The following ADAM22 variants were observed in gnomAD, a reference collection of about 807,000 sequenced individuals.
The protein encoded by ADAM22 is ADAM metallopeptidase domain 22.
A neutral mutation model predicts 144.6 loss-of-function variants in ADAM22; 65 were observed. The ratio of observed to expected loss-of-function variants is 0.45; its 90% CI spans 0.37 to 0.55. The LOEUF is 0.55. Ranked by LOEUF, ADAM22 falls within the 20% of genes least tolerant of loss-of-function variation. ADAM22 has a pLI of 0.00. For synonymous variants in ADAM22, 391 were observed against 412.6 expected (o/e 0.95, Z 0.63); for missense variants, 974 against 1,184.9 (o/e 0.82, Z 2.61).
Position 88,199,884 on chromosome 7 carries a change from T to G in ADAM22, c.*3393T>G, listed in dbSNP as rs1851046298. On this transcript the variant is annotated 3_prime_UTR_variant, in exon 32 of 32. Coordinates refer to ENST00000413139, the MANE Select transcript of ADAM22 (RefSeq NM_001324418.2). ...TATATAAGGTCAGTCTGGCATAGAA[T>G]TTCTGAAAGTAACATTAATAGGATT... is the stretch of plus-strand genomic sequence containing the variant. 2.0e-5 allele frequency: 3 copies of G among 152,208 alleles called. No homozygotes were observed. The South Asian group carries it at 6.2e-4, about 32-fold the overall frequency. 9.4% of individuals were successfully genotyped at this position (152,208 alleles called of 1,614,324 possible).
intron 23 of ADAM22, among the ~76,000 whole-genome samples, chr7:88,165,566 CAAT>C (rs1842757281): frequency 1.3e-5 from 2 of 151,028 alleles, no homozygotes; most frequent in Admixed American, 6.6e-5. Flanking sequence ...AAAGTCAAAA[CAAT>C]AATTTCTTTG....
At chr7:88,186,531 G>C (rs1230985038) in intron 29 of ADAM22, 84 bp from the exon 30 acceptor site, 1 of 898,410 alleles carries the variant, frequency 1.1e-6, no homozygotes, top group East Asian at 2.4e-5. Flanking sequence ...GGAGGGTGAA[G>C]ACATCCTTGC....
At chr7:88,034,882 C>T (rs983373521) in intron 3 of ADAM22, among the ~76,000 whole-genome samples, 1 of 152,140 alleles carries the variant, frequency 6.6e-6, no homozygotes, top group Non-Finnish European at 1.5e-5. Flanking sequence ...CATGAGGCTG[C>T]TGCTGGGGTG....
intron 3 of ADAM22, among the ~76,000 whole-genome samples, chr7:88,042,747 C>T (rs1252673966): frequency 1.3e-5 from 2 of 151,662 alleles, no homozygotes; most frequent in Non-Finnish European, 2.9e-5. Context: ...ACATTTTGCA[C>T]TTGATTAAGG....
intron 2 of ADAM22, among the ~76,000 whole-genome samples, chr7:87,950,309 C>G (rs1844728624): frequency 8.1e-6 from 1 of 123,032 alleles, no homozygotes; most frequent in Non-Finnish European, 1.6e-5. Context: ...CCACAACAGT[C>G]ACCAGAGTGT....
Position 88,061,666 on chromosome 7 carries a change from T to C in ADAM22, c.324-13960T>C, listed in dbSNP as rs571479183. On this transcript the variant is annotated intron_variant, in intron 3 of 31. Transcript: ENST00000413139. ...CAGTAAACCACATTGTCAAAAGATA[T>C]GCTGTCATCCAGGCTTTGTTGTTGC... is the stretch of plus-strand genomic sequence containing the variant. Among the ~76,000 whole-genome samples the C allele has an allele frequency of 4.6e-5, 7 of 152,226 alleles. No individual in the cohort carries two copies. The East Asian group carries it at 1.4e-3, about 29-fold the overall frequency.
intron 3 of ADAM22, among the ~76,000 whole-genome samples, chr7:88,068,575 A>G (rs941337758): frequency 1.3e-5 from 2 of 152,236 alleles, no homozygotes; most frequent in Admixed American, 1.3e-4. Flanking sequence ...ACTGAATGTT[A>G]GAACAAGAAG....
intron 4 of ADAM22, among the ~76,000 whole-genome samples, chr7:88,088,879 C>T (rs551492197): frequency 7.9e-5 from 12 of 151,934 alleles, no homozygotes; most frequent in African/African-American, 2.9e-4. Flanking sequence ...AATATATTCT[C>T]AGTTTGTCAT....
At position 88,108,216 on chromosome 7, in the gene ADAM22, A is replaced by G. The variant is rs373346730; in HGVS notation, c.431A>G (p.Asn144Ser). The G allele has an allele frequency of 1.1e-5, 18 of 1,613,646 alleles. No individual in the cohort carries two copies. Among genetic ancestry groups the G allele is most frequent in the East Asian group, 2.2e-5 (1 of 44,828 alleles). Residue 144 changes from asparagine (N) to serine (S), a missense_variant, in exon 5 of 32, where the codon AAC becomes AGC. Asn to Ser is a conservative substitution (Grantham distance 46). Around this residue, in one of 2 missense-constraint regions of ADAM22, gnomAD observed 240 missense variants for 234.3 expected, o/e 1.02. Transcript: ENST00000413139. ...TACTACCAGGGCCATATCCGAGGAA[A>G]CCCTGACTCATTTGTTGCATTGTCA... Reference protein sequence around the residue: ...HCYYQGHIRGNPDSFVALSTC... With the variant: ...HCYYQGHIRGSPDSFVALSTC...
At chr7:88,083,587 TTGTGTGTGTG>T (rs35145003) in intron 4 of ADAM22, among the ~76,000 whole-genome samples, 294 of 126,740 alleles carry the variant, frequency 2.3e-3, no homozygotes, top group African/African-American at 5.2e-3. Context: ...TACTTTGTGT[TTGTGTGTGTG>T]TGTGTGTGTG....
intron 3 of ADAM22, among the ~76,000 whole-genome samples, chr7:88,039,219 G>A (rs955245994): frequency 7.3e-5 from 11 of 151,272 alleles, no homozygotes; most frequent in Admixed American, 1.3e-4. Context: ...CAAGGGAGGC[G>A]GATCACGAGG....
At position 87,997,113 on chromosome 7, in the gene ADAM22, G is replaced by T. The variant is rs79254546; in HGVS notation, c.323+18701G>T. Among the ~76,000 whole-genome samples the T allele has an allele frequency of 3.3e-3, 501 of 152,194 alleles. 4 individuals are homozygous for T. Among genetic ancestry groups the T allele is most frequent in the African/African-American group, 0.011 (468 of 41,512 alleles). On this transcript the variant is annotated intron_variant, in intron 3 of 31. Transcript: ENST00000413139. Reference sequence around the variant, plus strand: ...GTTAGGCAGTGAGATTACTATTGGAGTTTGTTTGTTCGTTAAAAGCATATC... The same window carrying T: ...GTTAGGCAGTGAGATTACTATTGGATTTTGTTTGTTCGTTAAAAGCATATC...
At chr7:87,985,068 C>G (rs1376559106) in intron 3 of ADAM22, among the ~76,000 whole-genome samples, 1 of 151,092 alleles carries the variant, frequency 6.6e-6, no homozygotes, top group African/African-American at 2.4e-5. Flanking sequence ...AATCCCAGCA[C>G]TTTGGGAGGC....
intron 3 of ADAM22, among the ~76,000 whole-genome samples, chr7:88,051,482 A>T (rs1487984044): frequency 1.3e-5 from 2 of 151,066 alleles, no homozygotes; most frequent in African/African-American, 2.4e-5. Context: ...GTTCTCACTC[A>T]TAGGTGGGAA....
rs117576560 is a variant in ADAM22, at chr7:87,935,752, T to G, written c.246+566T>G. Among the ~76,000 whole-genome samples the G allele has an allele frequency of 4.3e-3, 650 of 152,326 alleles. 2 individuals carry two copies. Among genetic ancestry groups the G allele is most frequent in the Non-Finnish European group, 7.2e-3 (490 of 68,028 alleles). On this transcript the variant is annotated intron_variant, in intron 2 of 31. Coordinates refer to ENST00000413139, the MANE Select transcript of ADAM22 (RefSeq NM_001324418.2). ...TAGAAAAGGTGTCCTCCTCCGACTT[T>G]CTTTATTGGTAGCAGTTCTCTTGGT...
At chr7:88,085,179 G>GT (rs1818100136) in intron 4 of ADAM22, among the ~76,000 whole-genome samples, 1 of 151,924 alleles carries the variant, frequency 6.6e-6, no homozygotes, top group South Asian at 2.1e-4. Context: ...AAGTTTTTTT[G>GT]TTTTTTCTTA....
Position 87,998,960 on chromosome 7 carries a change from T to G in ADAM22, c.323+20548T>G, listed in dbSNP as rs1285652468. 3.3e-5 allele frequency among the ~76,000 whole-genome samples: 5 copies of G among 152,216 alleles called. No homozygotes were observed. The East Asian group carries it at 7.7e-4, about 23-fold the overall frequency. On this transcript the variant is annotated intron_variant, in intron 3 of 31. Coordinates refer to ENST00000413139, the MANE Select transcript of ADAM22 (RefSeq NM_001324418.2). ...TGGGAGCATTGTGTAATATATGATG[T>G]GTGCATATCATTACCTTTCTAAAAT...
chr7:88,089,329 A>C (rs1459646595), intron 4 of ADAM22, among the ~76,000 whole-genome samples: 1 of 152,142 alleles, frequency 6.6e-6, no homozygotes, highest in Non-Finnish European at 1.5e-5. Flanking sequence ...ATTAGTACAG[A>C]GCTATCCATA....
At chr7:88,001,553 T>C (rs901663589) in intron 3 of ADAM22, among the ~76,000 whole-genome samples, 1 of 152,096 alleles carries the variant, frequency 6.6e-6, no homozygotes, top group Non-Finnish European at 1.5e-5. Context: ...AGAGATCTGG[T>C]ATATCATTGT....
Sources: gnomAD v4.1 joint callset for allele counts (sites outside exome capture counted in the v4.1 genomes callset) on GRCh38, gnomAD v4.1.1 for gene constraint, gnomAD v4.1.1 regional missense constraint, MANE v1.5 for transcripts, NCBI Gene and HGNC (gene_info 2026-07-23, HGNC 2026-07-21) for gene names.